RACGAP1: variants seen among roughly 807,000 people sequenced by gnomAD.
RACGAP1 encodes the protein Rac GTPase activating protein 1.
In RACGAP1, 30 loss-of-function variants were observed where a neutral mutation model predicts 78.1. The ratio of observed to expected loss-of-function variants is 0.38; its 90% CI spans 0.29 to 0.52. RACGAP1 has a LOEUF of 0.52. RACGAP1 is among the 20% of genes least tolerant of loss of function. The pLI is 0.82. For synonymous variants in RACGAP1, 231 were observed against 264.8 expected (o/e 0.87, Z 1.24); for missense variants, 587 against 777.1 (o/e 0.76, Z 2.91).
At chr12:49,999,770 G>T in intron 7 of RACGAP1, 37 bp from the exon 8 acceptor site, 2 of 1,498,596 alleles carry the variant, frequency 1.3e-6, no homozygotes, top group Non-Finnish European at 9.3e-7. Context: ...GACAAACAAA[G>T]AATCTAACTT....
intron 1 of RACGAP1, among the ~76,000 whole-genome samples, chr12:50,019,307 C>G (rs1014005666): frequency 1.3e-5 from 2 of 152,138 alleles, no homozygotes; most frequent in Admixed American, 6.6e-5. Flanking sequence ...TTAAACTTTA[C>G]CATATGATTC....
chr12:50,001,269 G>C lies in RACGAP1; in HGVS notation c.550-17C>G, dbSNP rs1239954360. 1.3e-6 allele frequency: 2 copies of C among 1,578,532 alleles called. No homozygotes were observed. The highest frequency in any genetic ancestry group is 1.7e-6 in the Non-Finnish European group (2 of 1,148,436). On this transcript the variant is annotated splice_polypyrimidine_tract_variant and intron_variant, in intron 6 of 16. Coordinates refer to ENST00000312377, the MANE Select transcript of RACGAP1 (RefSeq NM_001319999.2). ...AGTAGAGCGCTAGAAAGGAGACAAAGACCCGTAACTTTAATGCCAAGCAGA... is the reference window on the plus strand; with the variant it reads ...AGTAGAGCGCTAGAAAGGAGACAAACACCCGTAACTTTAATGCCAAGCAGA...
chr12:50,024,782 T>C (rs949554657), intron 1 of RACGAP1, among the ~76,000 whole-genome samples: 1 of 149,898 alleles, frequency 6.7e-6, no homozygotes, highest in African/African-American at 2.5e-5. Flanking sequence ...AGAAAGATAA[T>C]GCTTTCTTAA....
chr12:49,991,479 ATTTTT>A lies in RACGAP1; in HGVS notation c.1714+514_1714+518del, dbSNP rs1197357619. 7.5e-4 allele frequency among the ~76,000 whole-genome samples: 18 copies of A among 24,088 alleles called. 1 individual carries two copies. Among genetic ancestry groups the A allele is most frequent in the Admixed American group, 3.4e-3 (6 of 1,742 alleles). 15.8% of individuals were successfully genotyped at this position (24,088 alleles called of 152,430 possible). Reference sequence around the variant, plus strand: ...CTATTATATATATATATATATATATATTTTTTTTTTTTTTTTTTTTTTTTTTTTAG... The same window carrying A: ...CTATTATATATATATATATATATATATTTTTTTTTTTTTTTTTTTTTTTAG... On this transcript the variant is annotated intron_variant, in intron 15 of 16. Coordinates refer to ENST00000312377, the MANE Select transcript of RACGAP1 (RefSeq NM_001319999.2).
At chr12:50,024,791 A>T (rs73119671) in intron 1 of RACGAP1, among the ~76,000 whole-genome samples, 4 of 133,814 alleles carry the variant, frequency 3.0e-5, no homozygotes, top group South Asian at 4.3e-4. Context: ...ATGCTTTCTT[A>T]AAAAAAAAAA....
chr12:50,024,883 T>C (rs986347898), intron 1 of RACGAP1, among the ~76,000 whole-genome samples: 28 of 151,310 alleles, frequency 1.9e-4, no homozygotes, highest in African/African-American at 6.8e-4. Flanking sequence ...GAAATGTACG[T>C]GAAAGTGTAC....
At chr12:49,994,684 C>T (rs559211633) in intron 10 of RACGAP1, among the ~76,000 whole-genome samples, 175 bp from the exon 11 acceptor site, 26 of 152,108 alleles carry the variant, frequency 1.7e-4, no homozygotes, top group African/African-American at 6.0e-4. Flanking sequence ...TTTTTCCTAC[C>T]TCCACACCAG....
upstream of RACGAP1, among the ~76,000 whole-genome samples, chr12:50,027,339 G>C (rs184190826): frequency 6.6e-6 from 1 of 152,162 alleles, no homozygotes; most frequent in Non-Finnish European, 1.5e-5. Flanking sequence ...ACAAAGACAT[G>C]TATAAAGTAC....
At chr12:49,990,397 A>C in intron 16 of RACGAP1, 54 bp from the exon 17 acceptor site, 1 of 1,439,634 alleles carries the variant, frequency 6.9e-7, no homozygotes, top group Non-Finnish European at 9.8e-7. Context: ...ATGGTTGAAT[A>C]AACAACTATA....
At chr12:50,018,559 T>A (rs1230298391) in intron 1 of RACGAP1, 6 of 1,288,788 alleles carry the variant, frequency 4.7e-6, no homozygotes, top group Non-Finnish European at 6.1e-6. Flanking sequence ...CATTGGGTAG[T>A]CAATTCAAAT....
At chr12:50,012,324 G>A (rs1216003149) in intron 2 of RACGAP1, among the ~76,000 whole-genome samples, 1 of 152,118 alleles carries the variant, frequency 6.6e-6, no homozygotes, top group Non-Finnish European at 1.5e-5. Context: ...ACTTTGGGAG[G>A]CTGAGGCGGG....
chr12:50,010,100 G>C (rs773737508), intron 2 of RACGAP1, among the ~76,000 whole-genome samples: 4 of 151,990 alleles, frequency 2.6e-5, no homozygotes, highest in Non-Finnish European at 5.9e-5. Context: ...CACACAACAG[G>C]CACCTGATAA....
intron 15 of RACGAP1, among the ~76,000 whole-genome samples, chr12:49,991,548 C>T (rs1353976481): frequency 2.4e-5 from 3 of 123,606 alleles, no homozygotes; most frequent in Non-Finnish European, 4.8e-5. Flanking sequence ...AGTGCAGTGG[C>T]GGGATCTCAG....
chr12:50,002,131 T>C, intron 6 of RACGAP1, 116 bp downstream of exon 6: 2 of 683,498 alleles, frequency 2.9e-6, no homozygotes, highest in East Asian at 5.5e-5. Flanking sequence ...TCATCTGTAG[T>C]ATGTGCTTAA....
chr12:50,019,972 C>T (rs1949913688), intron 1 of RACGAP1, among the ~76,000 whole-genome samples: 1 of 152,160 alleles, frequency 6.6e-6, no homozygotes. Flanking sequence ...ATAGTTGTTA[C>T]TTCCATCCTA....
exon 1 of RACGAP1, chr12:50,033,124 C>T (rs1950350355): frequency 6.6e-6 from 1 of 152,504 alleles, no homozygotes; most frequent in Non-Finnish European, 1.5e-5. Flanking sequence ...CTCTCGCCTT[C>T]GCTGGGTTCC....
At chr12:50,030,355 A>G (rs1950320790), upstream of RACGAP1, among the ~76,000 whole-genome samples, 1 of 151,614 alleles carries the variant, frequency 6.6e-6, no homozygotes, top group Non-Finnish European at 1.5e-5. Flanking sequence ...TCTCAAAAAA[A>G]AAAAAAAAAA....
At chr12:50,030,919 A>C (rs1950327288) in intron 2 of RACGAP1, among the ~76,000 whole-genome samples, 1 of 150,756 alleles carries the variant, frequency 6.6e-6, no homozygotes, top group South Asian at 2.1e-4. Context: ...AGCTGGGATT[A>C]CAGGCGCCCA....
At chr12:50,030,549 C>T (rs982922274) in intron 2 of RACGAP1, among the ~76,000 whole-genome samples, 9 of 151,134 alleles carry the variant, frequency 6.0e-5, no homozygotes, top group Admixed American at 2.0e-4. Context: ...ATCAGTCGGG[C>T]GTCGTGGCAC....
Sources: allele counts gnomAD v4.1 joint callset (sites outside exome capture counted in the v4.1 genomes callset), GRCh38; gene constraint gnomAD v4.1.1; transcripts MANE v1.5; gene names NCBI Gene and HGNC (gene_info 2026-07-23, HGNC 2026-07-21).